The following CNTLN variants were observed in gnomAD, a reference collection of about 807,000 sequenced individuals.
CNTLN encodes the protein centlein, centrosomal protein.
In CNTLN, 212 loss-of-function variants were observed where a neutral mutation model predicts 180.0. That is an observed-to-expected ratio of 1.18 (90% CI 1.05 to 1.32). The LOEUF is 1.32. Among genes scored for constraint, CNTLN ranks in the 40% most tolerant of loss-of-function variants. The pLI is 0.00. For missense variants in CNTLN, 2,095 were observed against 1,610.9 expected, an observed-to-expected ratio of 1.30 and a Z score of -5.14; for synonymous variants, 722 against 563.1, an observed-to-expected ratio of 1.28 and a Z score of -3.99.
At chr9:17,156,617 G>A (rs1819310478) in intron 2 of CNTLN, among the ~76,000 whole-genome samples, 1 of 151,944 alleles carries the variant, frequency 6.6e-6, no homozygotes, top group Admixed American at 6.6e-5. Context: ...GCCATAAATA[G>A]GATCTTATTC....
chr9:17,201,996 A>G (rs530002633), intron 2 of CNTLN, among the ~76,000 whole-genome samples: 2 of 151,918 alleles, frequency 1.3e-5, no homozygotes, highest in East Asian at 1.9e-4. Context: ...CCTTCTTAAC[A>G]CTGCTTTAGA....
At chr9:17,193,817 G>T (rs1821945216) in intron 2 of CNTLN, among the ~76,000 whole-genome samples, 1 of 152,196 alleles carries the variant, frequency 6.6e-6, no homozygotes, top group African/African-American at 2.4e-5. Context: ...TGCTCTATCA[G>T]AGGTTCTCCA....
At chr9:17,522,748 T>C in the CNTLN span, among the ~76,000 whole-genome samples, 1 of 151,646 alleles carries the variant, frequency 6.6e-6, no homozygotes, top group Non-Finnish European at 1.5e-5. Flanking sequence ...AACCCACTTT[T>C]TTAAAATTTA....
At chr9:17,180,747 T>A (rs1306404861) in intron 2 of CNTLN, among the ~76,000 whole-genome samples, 1 of 152,156 alleles carries the variant, frequency 6.6e-6, no homozygotes, top group Non-Finnish European at 1.5e-5. Flanking sequence ...ATTCCTAGAT[T>A]TCCCCCCTCC....
Position 17,136,485 on chromosome 9 carries a change from A to T in CNTLN, c.360+1060A>T, listed in dbSNP as rs79578390. 0.02 allele frequency among the ~76,000 whole-genome samples: 2,992 copies of T among 152,226 alleles called. 225 individuals carry two copies. The East Asian group carries it at 0.26, about 13-fold the overall frequency. On this transcript the variant is annotated intron_variant, in intron 1 of 25. Coordinates refer to ENST00000380647, the MANE Select transcript of CNTLN (RefSeq NM_017738.4). ...GCTGGGACTACAGGTGTCCGCCACCACGCCTGGCTAATTTTTTGTATTTTT... is the reference window on the plus strand; with the variant it reads ...GCTGGGACTACAGGTGTCCGCCACCTCGCCTGGCTAATTTTTTGTATTTTT...
At chr9:17,524,543 C>A in the CNTLN span, among the ~76,000 whole-genome samples, 1 of 152,148 alleles carries the variant, frequency 6.6e-6, no homozygotes, top group Admixed American at 6.5e-5. Context: ...ATAGACACAC[C>A]CAGAATAATG....
chr9:17,387,706 G>T (rs943856186), intron 13 of CNTLN, among the ~76,000 whole-genome samples: 1 of 151,982 alleles, frequency 6.6e-6, no homozygotes, highest in Non-Finnish European at 1.5e-5. Flanking sequence ...TGTGGTAGGG[G>T]TTGTTACAAT....
At chr9:17,373,783 G>C (rs1342652733) in intron 13 of CNTLN, among the ~76,000 whole-genome samples, 3 of 152,054 alleles carry the variant, frequency 2.0e-5, no homozygotes, top group Non-Finnish European at 4.4e-5. Flanking sequence ...TAGACCAATA[G>C]AACCTAACAG....
chr9:17,308,184 G>A (rs1041198582), intron 7 of CNTLN, among the ~76,000 whole-genome samples: 1 of 152,008 alleles, frequency 6.6e-6, no homozygotes, highest in Non-Finnish European at 1.5e-5. Context: ...TTATATTACT[G>A]TCTGTATGAT....
chr9:17,310,003 A>T (rs1819012106), intron 8 of CNTLN, among the ~76,000 whole-genome samples: 2 of 152,140 alleles, frequency 1.3e-5, no homozygotes, highest in Middle Eastern at 3.2e-3. Flanking sequence ...TTAAAATTGT[A>T]CCATATTGTA....
intron 2 of CNTLN, among the ~76,000 whole-genome samples, chr9:17,174,557 G>C (rs1030121770): frequency 1.3e-5 from 2 of 152,128 alleles, no homozygotes; most frequent in Non-Finnish European, 2.9e-5. Flanking sequence ...TTAGCCGGAC[G>C]TGGTGGTGGG....
Position 17,394,617 on chromosome 9 carries a change from A to G in CNTLN, c.2163A>G (p.Glu721=). ...AAGGGAATAAAAAATTAATGAAAGA[A>G]AATGATTTTCTGAAATCCCTCTTAA... ...LKEGNKKLMK[E]NDFLKSLLKQ... is the part of the protein sequence containing the mutation. Residue 721 remains glutamate (E), a synonymous_variant, in exon 15 of 26, where the codon GAA becomes GAG. Coordinates refer to ENST00000380647, the MANE Select transcript of CNTLN (RefSeq NM_017738.4). 6.2e-7 allele frequency: 1 copy of G among 1,602,358 alleles called. No homozygotes were observed. The highest frequency in any genetic ancestry group is 8.5e-7 in the Non-Finnish European group (1 of 1,177,146).
chr9:17,517,793 A>G, the CNTLN span, among the ~76,000 whole-genome samples: 1 of 152,082 alleles, frequency 6.6e-6, no homozygotes, highest in Non-Finnish European at 1.5e-5. Flanking sequence ...TAAGTCATTC[A>G]GCTTGTGGTC....
chr9:17,412,548 T>A (rs7031442), intron 16 of CNTLN, among the ~76,000 whole-genome samples: 42,271 of 152,038 alleles, frequency 0.28, 6,246 homozygotes, highest in South Asian at 0.38. Context: ...ATGGTTTTTT[T>A]AATCACTTTC....
chr9:17,178,467 T>C (rs112015688), intron 2 of CNTLN, among the ~76,000 whole-genome samples: 5,329 of 151,996 alleles, frequency 0.035, 223 homozygotes, highest in African/African-American at 0.11. Context: ...TAGGGAGTGG[T>C]GCTGGTTAGG....
In CNTLN at chr9:17,157,797, C is replaced by T. The variant is rs73416373; in HGVS notation, c.449+14421C>T. Among the ~76,000 whole-genome samples, 1,281 of 152,228 alleles carry T rather than the reference C, an allele frequency of 8.4e-3. 13 individuals are homozygous for T. Among genetic ancestry groups the T allele is most frequent in the African/African-American group, 0.028 (1,164 of 41,532 alleles). The stretch of plus-strand genomic sequence containing the variant: ...TTGTGAATAAGTATAAGAAAATGAT[C>T]GCTTATCAGTAGTGCATAAATTTAG... On this transcript the variant is annotated intron_variant, in intron 2 of 25. Coordinates refer to ENST00000380647, the MANE Select transcript of CNTLN (RefSeq NM_017738.4).
intron 8 of CNTLN, among the ~76,000 whole-genome samples, chr9:17,316,222 A>G (rs1819531519): frequency 6.6e-6 from 1 of 151,906 alleles, no homozygotes; most frequent in African/African-American, 2.4e-5. Context: ...TTTGTCTTAA[A>G]GTCTATTTTG....
chr9:17,398,522 T>G (rs1042005644), intron 15 of CNTLN, among the ~76,000 whole-genome samples: 2 of 152,196 alleles, frequency 1.3e-5, no homozygotes, highest in African/African-American at 4.8e-5. Flanking sequence ...TCTGGGATAG[T>G]ATGAAACATG....
intron 13 of CNTLN, among the ~76,000 whole-genome samples, chr9:17,384,239 T>C (rs945687020): frequency 5.9e-5 from 9 of 152,046 alleles, no homozygotes; most frequent in Admixed American, 1.3e-4. Context: ...GACATTTTAT[T>C]TTTAAGGCAA....
Sources: gnomAD v4.1 joint callset for allele counts (sites outside exome capture counted in the v4.1 genomes callset) on GRCh38, gnomAD v4.1.1 for gene constraint, MANE v1.5 for transcripts, NCBI Gene and HGNC (gene_info 2026-07-23, HGNC 2026-07-21) for gene names.